SNX9: variants seen among roughly 807,000 people sequenced by gnomAD.
The protein encoded by SNX9 is sorting nexin 9.
A neutral mutation model predicts 89.4 loss-of-function variants in SNX9; 44 were observed. The ratio of observed to expected loss-of-function variants is 0.49; its 90% CI spans 0.39 to 0.63. The LOEUF (loss-of-function observed/expected upper bound fraction) is 0.63. Ranked by LOEUF, SNX9 falls within the 30% of genes least tolerant of loss-of-function variation. The pLI is 0.00. For synonymous variants in SNX9, 236 were observed against 247.8 expected (o/e 0.95, Z 0.45); for missense variants, 578 against 736.1 (o/e 0.79, Z 2.49).
intron 1 of SNX9, among the ~76,000 whole-genome samples, chr6:157,857,625 A>G (rs1011842365): frequency 1.3e-5 from 2 of 148,974 alleles, no homozygotes; most frequent in African/African-American, 4.9e-5. Flanking sequence ...CTTGTTGTGG[A>G]CTTCGTACTT....
intron 1 of SNX9, among the ~76,000 whole-genome samples, chr6:157,865,359 AC>A (rs1396018799): frequency 6.6e-6 from 1 of 151,628 alleles, no homozygotes. Flanking sequence ...AAAAAAAAAA[AC>A]ACCACATAAC....
intron 1 of SNX9, among the ~76,000 whole-genome samples, chr6:157,847,541 A>T (rs1030268094): frequency 6.6e-6 from 1 of 152,104 alleles, no homozygotes; most frequent in Non-Finnish European, 1.5e-5. Context: ...ATATATTTTT[A>T]AATTTCATCC....
chr6:157,897,240 ACCTTGGGTTC>A (rs1183183400), intron 5 of SNX9, among the ~76,000 whole-genome samples: 2 of 152,214 alleles, frequency 1.3e-5, no homozygotes, highest in East Asian at 3.9e-4. Flanking sequence ...CACCACTCCC[ACCTTGGGTTC>A]AATTAATCTG....
intron 4 of SNX9, among the ~76,000 whole-genome samples, chr6:157,880,385 C>T (rs545082085): frequency 5.9e-5 from 9 of 152,318 alleles, no homozygotes; most frequent in East Asian, 1.9e-4. Context: ...CACTATTCTA[C>T]CCTCTCTAAT....
chr6:157,921,958 A>G (rs1783593153), intron 10 of SNX9, among the ~76,000 whole-genome samples: 1 of 152,190 alleles, frequency 6.6e-6, no homozygotes, highest in African/African-American at 2.4e-5. Flanking sequence ...TAAAAATAGG[A>G]GGATAGGCCC....
intron 7 of SNX9, among the ~76,000 whole-genome samples, chr6:157,907,229 T>C (rs1200942013): frequency 1.3e-5 from 2 of 152,214 alleles, no homozygotes; most frequent in African/African-American, 4.8e-5. Context: ...TTCATGACAT[T>C]TAAAACTCCT....
chr6:157,924,962 C>T (rs147653195), intron 10 of SNX9, among the ~76,000 whole-genome samples: 3 of 152,224 alleles, frequency 2.0e-5, no homozygotes, highest in East Asian at 1.9e-4. Context: ...CAGAAGATAA[C>T]GTGGAACATC....
intron 2 of SNX9, among the ~76,000 whole-genome samples, chr6:157,870,930 G>A (rs545549840): frequency 5.3e-4 from 81 of 152,370 alleles, no homozygotes; most frequent in African/African-American, 1.1e-3. Flanking sequence ...TCATGCACAC[G>A]CACACTCGCA....
chr6:157,875,537 G>C (rs541896694), intron 4 of SNX9, among the ~76,000 whole-genome samples: 1 of 152,032 alleles, frequency 6.6e-6, no homozygotes, highest in Non-Finnish European at 1.5e-5. Flanking sequence ...TCAGAGCCTC[G>C]GCCTGGATCA....
chr6:157,879,911 C>T (rs761413262), intron 4 of SNX9, among the ~76,000 whole-genome samples: 1 of 152,208 alleles, frequency 6.6e-6, no homozygotes, highest in Non-Finnish European at 1.5e-5. Flanking sequence ...GGTTTAAAAG[C>T]TACTTAAAAG....
At chr6:157,840,486 C>T (rs73573821) in intron 1 of SNX9, among the ~76,000 whole-genome samples, 1 of 143,602 alleles carries the variant, frequency 7.0e-6, no homozygotes, top group Non-Finnish European at 1.5e-5. Flanking sequence ...CTCTCTCTCT[C>T]TCTTTCTTTC....
At chr6:157,844,645 G>T in intron 1 of SNX9, among the ~76,000 whole-genome samples, 1 of 145,480 alleles carries the variant, frequency 6.9e-6, no homozygotes, top group Non-Finnish European at 1.5e-5. Context: ...CCAGGCTGGA[G>T]TGCAGTGGTG....
chr6:157,913,877 C>CTT (rs1309730129), intron 9 of SNX9, among the ~76,000 whole-genome samples: 1 of 152,154 alleles, frequency 6.6e-6, no homozygotes, highest in Non-Finnish European at 1.5e-5. Flanking sequence ...TATACCATAG[C>CTT]TTGTTTATCC....
chr6:157,859,853 T>C (rs951532447), intron 1 of SNX9, among the ~76,000 whole-genome samples: 22 of 152,202 alleles, frequency 1.4e-4, no homozygotes, highest in Non-Finnish European at 2.6e-4. Context: ...GAATTGAAAA[T>C]ACTCTTTCCT....
intron 1 of SNX9, among the ~76,000 whole-genome samples, chr6:157,838,637 CATT>C (rs796397964): frequency 4.6e-5 from 7 of 152,298 alleles, no homozygotes; most frequent in African/African-American, 1.7e-4. Context: ...AATATTCTGA[CATT>C]ATGTTACTCA....
rs568244824 is a variant in SNX9, at chr6:157,898,320, A to G, written c.472+1322A>G. ...TCACAGATTCAAACGCTGGGTTGGT[A>G]AAGTAAAAGCAGAATGGGCGGTGGA... is the stretch of plus-strand genomic sequence containing the variant. On this transcript the variant is annotated intron_variant, in intron 5 of 17. Coordinates refer to ENST00000392185, the MANE Select transcript of SNX9 (RefSeq NM_016224.5). Among the ~76,000 whole-genome samples the G allele has an allele frequency of 5.3e-5, 8 of 152,312 alleles. No individual in the cohort carries two copies. The South Asian group carries it at 1.7e-3, about 32-fold the overall frequency.
chr6:157,878,483 G>A (rs1009501227), intron 4 of SNX9, among the ~76,000 whole-genome samples: 5 of 149,452 alleles, frequency 3.3e-5, no homozygotes, highest in Admixed American at 6.7e-5. Context: ...AGGCTGGAGT[G>A]CAGTGGCGTG....
intron 5 of SNX9, among the ~76,000 whole-genome samples, chr6:157,897,815 C>T (rs772870305): frequency 7.2e-5 from 11 of 152,150 alleles, no homozygotes; most frequent in Non-Finnish European, 1.2e-4. Flanking sequence ...CATGCCTGGC[C>T]GGCATGATTG....
At chr6:157,855,121 T>C (rs891021559) in intron 1 of SNX9, among the ~76,000 whole-genome samples, 1 of 152,196 alleles carries the variant, frequency 6.6e-6, no homozygotes, top group African/African-American at 2.4e-5. Context: ...AGCAAATGCA[T>C]GTACTGCATC....
Sources: allele counts gnomAD v4.1 joint callset (sites outside exome capture counted in the v4.1 genomes callset), GRCh38; gene constraint gnomAD v4.1.1; transcripts MANE v1.5; gene names NCBI Gene and HGNC (gene_info 2026-07-23, HGNC 2026-07-21).